The following TPRG1 variants were observed in gnomAD, a reference collection of about 807,000 sequenced individuals.
TPRG1 encodes tumor protein p63 regulated 1, also known as tumor protein p63-regulated gene 1 protein.
TPRG1 carries 29 observed loss-of-function variants against 29.3 expected under a neutral mutation model. The ratio of observed to expected loss-of-function variants is 0.99; its 90% CI spans 0.74 to 1.35. The LOEUF (loss-of-function observed/expected upper bound fraction) is 1.35, where lower values mean the gene tolerates loss of function less well. Among genes scored for constraint, TPRG1 ranks in the 40% most tolerant of loss-of-function variants. The pLI is 0.00. For missense variants in TPRG1, 327 were observed against 335.0 expected (o/e 0.98, Z 0.19); for synonymous variants, 130 against 116.8 (o/e 1.11, Z -0.73).
intron 5 of TPRG1, among the ~76,000 whole-genome samples, chr3:189,165,871 A>G (rs1347914555): frequency 6.6e-6 from 1 of 152,162 alleles, no homozygotes; most frequent in Non-Finnish European, 1.5e-5. Context: ...CAATATGGAA[A>G]ATCTCTTAGG....
At chr3:189,224,647 G>A (rs1399977938) in intron 3 of TPRG1, among the ~76,000 whole-genome samples, 1 of 152,214 alleles carries the variant, frequency 6.6e-6, no homozygotes, top group African/African-American at 2.4e-5. Flanking sequence ...GAATGAATGA[G>A]AACGTAAAGA....
At chr3:189,168,722 C>T (rs1390098087), upstream of TPRG1, among the ~76,000 whole-genome samples, 1 of 152,164 alleles carries the variant, frequency 6.6e-6, no homozygotes, top group African/African-American at 2.4e-5. Flanking sequence ...AGTATCTGTT[C>T]ATTGTCATTG....
chr3:189,012,298 G>T (rs553346578), intron 3 of TPRG1, among the ~76,000 whole-genome samples: 3 of 151,944 alleles, frequency 2.0e-5, no homozygotes, highest in East Asian at 3.9e-4. Flanking sequence ...TTATTTTGAG[G>T]TATGTTCCAT....
chr3:189,126,459 G>A (rs1354852492), intron 1 of TPRG1, among the ~76,000 whole-genome samples: 2 of 152,160 alleles, frequency 1.3e-5, no homozygotes, highest in African/African-American at 4.8e-5. Flanking sequence ...TTTATAAATT[G>A]GGAAAAAATA....
chr3:189,181,237 C>T (rs1225892106), intron 1 of TPRG1, among the ~76,000 whole-genome samples: 1 of 152,144 alleles, frequency 6.6e-6, no homozygotes, highest in Non-Finnish European at 1.5e-5. Flanking sequence ...AGACATTTTC[C>T]CCATTTTCTT....
intron 4 of TPRG1, among the ~76,000 whole-genome samples, chr3:189,287,731 C>A (rs1718315815): frequency 6.6e-6 from 1 of 152,078 alleles, no homozygotes; most frequent in Admixed American, 6.6e-5. Flanking sequence ...GTTAATATTG[C>A]CTAGAGGAAT....
At position 189,085,174 on chromosome 3, in the gene TPRG1, G is replaced by A. The variant is rs561588629; in HGVS notation, c.-462-41883G>A. ...AAAACAAAAGCGAAAAGCAAGTACC[G>A]GGCTCTGTTACCAAGTGGGGCATAG... On this transcript the variant is annotated intron_variant, in intron 4 of 10. Coordinates refer to the TPRG1 transcript ENST00000433971. Among the ~76,000 whole-genome samples, 16 of 152,252 alleles carry A rather than the reference G, an allele frequency of 1.1e-4. No homozygotes were observed. The South Asian group carries it at 3.3e-3, about 32-fold the overall frequency.
chr3:189,030,919 A>G (rs1459657464), intron 4 of TPRG1, among the ~76,000 whole-genome samples: 1 of 152,208 alleles, frequency 6.6e-6, no homozygotes, highest in African/African-American at 2.4e-5. Flanking sequence ...ACCTTAACCC[A>G]GACTATCTGT....
At chr3:189,185,762 G>C (rs1329333524) in intron 1 of TPRG1, among the ~76,000 whole-genome samples, 1 of 152,054 alleles carries the variant, frequency 6.6e-6, no homozygotes, top group Non-Finnish European at 1.5e-5. Context: ...TCTCCTTCCA[G>C]AGATAAGCCC....
At chr3:189,208,569 C>A (rs903090982) in intron 2 of TPRG1, among the ~76,000 whole-genome samples, 16 of 151,964 alleles carry the variant, frequency 1.1e-4, no homozygotes, top group Admixed American at 5.9e-4. Context: ...AGCAACTTAA[C>A]GAGTGTGTGT....
chr3:188,999,699 C>T (rs848993), intron 1 of TPRG1, among the ~76,000 whole-genome samples: 1 of 152,002 alleles, frequency 6.6e-6, no homozygotes, highest in Non-Finnish European at 1.5e-5. Flanking sequence ...ATATTTATTA[C>T]TTTTTTTATT....
At chr3:189,257,788 C>G (rs143027997) in intron 4 of TPRG1, among the ~76,000 whole-genome samples, 121 of 151,838 alleles carry the variant, frequency 8.0e-4, no homozygotes, top group African/African-American at 2.9e-3. Flanking sequence ...TTCTTCTGCT[C>G]AATTTGGCTA....
intron 1 of TPRG1, among the ~76,000 whole-genome samples, chr3:189,205,040 C>T (rs1324036272): frequency 6.6e-6 from 1 of 151,950 alleles, no homozygotes; most frequent in Non-Finnish European, 1.5e-5. Context: ...ACCTTTTGCA[C>T]ACCTAACTTT....
chr3:189,228,412 A>G (rs1329046989), intron 3 of TPRG1, among the ~76,000 whole-genome samples: 1 of 152,198 alleles, frequency 6.6e-6, no homozygotes, highest in African/African-American at 2.4e-5. Flanking sequence ...TGGTGTAAAA[A>G]GAATTATACA....
intron 4 of TPRG1, among the ~76,000 whole-genome samples, chr3:189,058,645 AAG>A (rs1257104139): frequency 6.6e-6 from 1 of 152,202 alleles, no homozygotes; most frequent in East Asian, 1.9e-4. Flanking sequence ...AAATTGTTTT[AAG>A]AAAAATAATT....
chr3:189,030,414 C>G (rs767375423), intron 4 of TPRG1, among the ~76,000 whole-genome samples: 1 of 152,166 alleles, frequency 6.6e-6, no homozygotes, highest in Admixed American at 6.5e-5. Flanking sequence ...TTTAAATAGC[C>G]TCTGGAATCA....
chr3:189,233,529 T>C (rs1316536511), intron 3 of TPRG1, among the ~76,000 whole-genome samples: 2 of 152,138 alleles, frequency 1.3e-5, no homozygotes, highest in East Asian at 1.9e-4. Context: ...ATCTCCTCAA[T>C]TGGGGAAGTG....
At chr3:189,165,992 C>T (rs964685445) in intron 5 of TPRG1, among the ~76,000 whole-genome samples, 3 of 152,092 alleles carry the variant, frequency 2.0e-5, no homozygotes, top group Non-Finnish European at 2.9e-5. Context: ...AGAGAGCAGT[C>T]GCAGTTCAAA....
intron 4 of TPRG1, among the ~76,000 whole-genome samples, chr3:189,045,300 C>T (rs1317809863): frequency 6.6e-6 from 1 of 152,212 alleles, no homozygotes; most frequent in Non-Finnish European, 1.5e-5. Flanking sequence ...CATCAAAGTC[C>T]AGGTCCAATC....
Sources: allele counts gnomAD v4.1 joint callset (sites outside exome capture counted in the v4.1 genomes callset), GRCh38; gene constraint gnomAD v4.1.1; transcripts MANE v1.5; gene names NCBI Gene and HGNC (gene_info 2026-07-23, HGNC 2026-07-21).